Variants in ACER1 observed in about 807,000 individuals in gnomAD.
ACER1 encodes CTB-180A7.3.
ACER1 carries 28 observed loss-of-function variants against 24.9 expected under a neutral mutation model. That is an observed-to-expected ratio of 1.13 (90% CI 0.83 to 1.54). ACER1 has a LOEUF of 1.54. Ranked by LOEUF, ACER1 falls within the 40% of genes most tolerant of loss-of-function variation. ACER1 has a pLI of 0.00. For synonymous variants in ACER1, 132 were observed against 131.4 expected, an observed-to-expected ratio of 1.00 and a Z score of -0.03; for missense variants, 352 against 349.3, an observed-to-expected ratio of 1.01 and a Z score of -0.06.
chr19:6,313,671 C>A (rs2091591482), intron 1 of ACER1, among the ~76,000 whole-genome samples: 1 of 152,208 alleles, frequency 6.6e-6, no homozygotes, highest in Non-Finnish European at 1.5e-5. Context: ...CATGAGTTGA[C>A]CTTGCCCTTG....
At chr19:6,343,020 G>A in the ACER1 span, among the ~76,000 whole-genome samples, 1 of 151,990 alleles carries the variant, frequency 6.6e-6, no homozygotes. Context: ...CAGGTGATCC[G>A]CCCACCTTGG....
intron 1 of ACER1, among the ~76,000 whole-genome samples, chr19:6,324,907 GGAA>G (rs1431714880): frequency 1.7e-4 from 26 of 151,164 alleles, no homozygotes; most frequent in African/African-American, 5.8e-4. Flanking sequence ...AAGGAAGGAA[GGAA>G]GGAGGAAGGA....
the ACER1 span, among the ~76,000 whole-genome samples, chr19:6,347,224 C>CTT: frequency 4.2e-5 from 5 of 118,784 alleles, no homozygotes; most frequent in Admixed American, 8.4e-5. Flanking sequence ...TTTTCTTTTT[C>CTT]TTTTTTTTTT....
chr19:6,360,127 A>ATG, the ACER1 span: 1 of 152,108 alleles, frequency 6.6e-6, no homozygotes, highest in Non-Finnish European at 1.5e-5. Context: ...CCAGCTAACA[A>ATG]ACTCCTACTT....
the ACER1 span, among the ~76,000 whole-genome samples, chr19:6,341,073 C>T: frequency 2.6e-5 from 4 of 151,918 alleles, no homozygotes; most frequent in Non-Finnish European, 5.9e-5. Context: ...TTCACAGCCA[C>T]AGTGCAGCCT....
upstream of ACER1, among the ~76,000 whole-genome samples, chr19:6,335,208 TATCTC>T (rs1009999643): frequency 1.2e-3 from 172 of 146,164 alleles, 1 homozygote; most frequent in African/African-American, 3.8e-3. Flanking sequence ...TTTTCAGTAT[TATCTC>T]ATTTAACGTT....
At position 6,316,027 on chromosome 19, in the gene ACER1, C is replaced by G. The variant is rs149777695; in HGVS notation, c.94-3528G>C. Among the ~76,000 whole-genome samples the G allele has an allele frequency of 3.7e-3, 560 of 152,248 alleles. 3 individuals carry two copies. Among genetic ancestry groups the G allele is most frequent in the Middle Eastern group, 0.01 (3 of 294 alleles). On this transcript the variant is annotated intron_variant, in intron 1 of 5. Transcript: ENST00000301452. Reference sequence around the variant, plus strand: ...CCTGTGAGTCCAGCTACTCGGGAGGCTGAGGCAGGAGAATCACTTGAATCT... The same window carrying G: ...CCTGTGAGTCCAGCTACTCGGGAGGGTGAGGCAGGAGAATCACTTGAATCT...
intron 1 of ACER1, among the ~76,000 whole-genome samples, chr19:6,323,469 CTCTT>C (rs1262941616): frequency 6.6e-6 from 1 of 152,032 alleles, no homozygotes; most frequent in Non-Finnish European, 1.5e-5. Flanking sequence ...CCTGCACAAG[CTCTT>C]TCTCTTTGCC....
intron 4 of ACER1, among the ~76,000 whole-genome samples, chr19:6,308,870 CT>C (rs2091564029): frequency 6.6e-6 from 1 of 151,948 alleles, no homozygotes; most frequent in Non-Finnish European, 1.5e-5. Flanking sequence ...GCTATTTTCT[CT>C]GCTTGCATGT....
chr19:6,327,174 T>A (rs1244242044), intron 1 of ACER1, among the ~76,000 whole-genome samples: 3 of 152,174 alleles, frequency 2.0e-5, no homozygotes, highest in Non-Finnish European at 4.4e-5. Context: ...CTCATGCCTA[T>A]AATGCCAGCA....
At chr19:6,311,755 T>A (rs2091583076) in intron 3 of ACER1, among the ~76,000 whole-genome samples, 1 of 151,838 alleles carries the variant, frequency 6.6e-6, no homozygotes. Flanking sequence ...ATCAATTAGA[T>A]CAAGAGAGGG....
chr19:6,335,600 G>A (rs2091710985), upstream of ACER1, among the ~76,000 whole-genome samples: 2 of 152,002 alleles, frequency 1.3e-5, no homozygotes, highest in South Asian at 4.1e-4. Context: ...GGAGACCAAG[G>A]CGGGAGGATC....
intron 4 of ACER1, among the ~76,000 whole-genome samples, chr19:6,308,378 T>C (rs2091561834): frequency 7.0e-6 from 1 of 142,184 alleles, no homozygotes; most frequent in Non-Finnish European, 1.5e-5. Flanking sequence ...GAGATTGCAG[T>C]GAGCCGGGAT....
At chr19:6,343,073 A>G in the ACER1 span, among the ~76,000 whole-genome samples, 39,923 of 151,972 alleles carry the variant, frequency 0.26, 7,412 homozygotes, top group African/African-American at 0.52. Flanking sequence ...CACCGCACCC[A>G]GCCAAAAGTT....
At chr19:6,348,841 A>G in the ACER1 span, among the ~76,000 whole-genome samples, 4 of 151,874 alleles carry the variant, frequency 2.6e-5, no homozygotes, top group African/African-American at 9.7e-5. Flanking sequence ...GTGGATCATG[A>G]GATCAGGAGT....
the ACER1 span, among the ~76,000 whole-genome samples, chr19:6,358,678 A>G: frequency 6.6e-6 from 1 of 151,354 alleles, no homozygotes; most frequent in Non-Finnish European, 1.5e-5. Context: ...TCACGCCTGT[A>G]ATCCCAGCAC....
Position 6,307,272 on chromosome 19 carries a change from A to G in ACER1, c.507T>C (p.Leu169=). ...QEYRKTSNKE[L]RHLIEVSVVL... ...CCACGGAGACCTCAATCAGGTGCCG[A>G]AGCTCCTTATTGCTGGTCCTAGAGA... is the stretch of plus-strand genomic sequence containing the variant. The change falls in exon 5 of 6, where the codon CTT becomes CTC. Residue 169 remains leucine (L), a synonymous_variant. Transcript: ENST00000301452. 1 of 1,613,962 alleles carries G rather than the reference A, an allele frequency of 6.2e-7. No homozygotes were observed. Among genetic ancestry groups the G allele is most frequent in the Non-Finnish European group, 8.5e-7 (1 of 1,179,996 alleles).
the ACER1 span, among the ~76,000 whole-genome samples, chr19:6,338,722 G>A: frequency 6.6e-5 from 10 of 152,128 alleles, 1 homozygote; most frequent in South Asian, 1.9e-3. Flanking sequence ...CAAGTAGCTG[G>A]GACTACAGGC....
chr19:6,306,890 G>A lies in ACER1; in HGVS notation c.627-8C>T, dbSNP rs374394748. Reference sequence around the variant, plus strand: ...ATGCTGATGAGCACATGCCTGTGGAGTGCAGGGCGAAGGTGGCGAGGGCAC... The same window carrying A: ...ATGCTGATGAGCACATGCCTGTGGAATGCAGGGCGAAGGTGGCGAGGGCAC... On this transcript the variant is annotated splice_region_variant and splice_polypyrimidine_tract_variant and intron_variant, in intron 5 of 5. Coordinates refer to ENST00000301452, the MANE Select transcript of ACER1 (RefSeq NM_133492.3). 44 of 1,607,622 alleles carry A rather than the reference G, an allele frequency of 2.7e-5. No individual in the cohort carries two copies. Among genetic ancestry groups the A allele is most frequent in the Non-Finnish European group, 3.3e-5 (39 of 1,175,646 alleles).
Sources: allele counts gnomAD v4.1 joint callset (sites outside exome capture counted in the v4.1 genomes callset), GRCh38; gene constraint gnomAD v4.1.1; transcripts MANE v1.5; gene names NCBI Gene and HGNC (gene_info 2026-07-23, HGNC 2026-07-21).